Variants in C1orf21 observed in about 807,000 individuals in gnomAD.
C1orf21 encodes chromosome 1 open reading frame 21.
Under a neutral mutation model 18.7 loss-of-function variants are expected in C1orf21, and 3 were observed. That is an observed-to-expected ratio of 0.16 (90% confidence interval 0.07 to 0.42). The LOEUF (loss-of-function observed/expected upper bound fraction) is 0.42. C1orf21 is among the 10% of genes least tolerant of loss of function. The pLI, the probability that C1orf21 is intolerant of heterozygous loss-of-function variation, is 0.99. For missense variants in C1orf21, 104 were observed against 143.6 expected, an observed-to-expected ratio of 0.72 and a Z score of 1.41; for synonymous variants, 41 against 46.4, an observed-to-expected ratio of 0.88 and a Z score of 0.47.
intron 1 of C1orf21, among the ~76,000 whole-genome samples, chr1:184,444,562 C>T (rs144166459): frequency 2.1e-4 from 32 of 152,182 alleles, no homozygotes; most frequent in Admixed American, 8.5e-4. Flanking sequence ...TTCCCAGTTT[C>T]GGGTTTGTCT....
chr1:184,481,002 GGA>G (rs1657646482), intron 2 of C1orf21, among the ~76,000 whole-genome samples: 2 of 152,120 alleles, frequency 1.3e-5, no homozygotes, highest in Non-Finnish European at 2.9e-5. Flanking sequence ...TCTCCTTGTG[GGA>G]GAGAGTTTCT....
At chr1:184,597,576 G>A (rs986892964) in intron 4 of C1orf21, among the ~76,000 whole-genome samples, 2 of 151,972 alleles carry the variant, frequency 1.3e-5, no homozygotes, top group Non-Finnish European at 2.9e-5. Context: ...GTGTGATAAC[G>A]TGTCTTATCC....
At chr1:184,567,600 G>T in intron 3 of C1orf21, 1 of 448,102 alleles carries the variant, frequency 2.2e-6, no homozygotes, top group Admixed American at 2.4e-5. Flanking sequence ...TTGGGATTTC[G>T]TTGGTGGGGC....
At chr1:184,495,996 T>TGCCCTTTCTACAAAA (rs1280065895) in intron 2 of C1orf21, among the ~76,000 whole-genome samples, 2 of 151,408 alleles carry the variant, frequency 1.3e-5, no homozygotes, top group Non-Finnish European at 2.9e-5. Flanking sequence ...TGTAGAAAGT[T>TGCCCTTTCTACAAAA]GGTTTTTGGA....
At chr1:184,573,801 C>A (rs1403015006) in intron 3 of C1orf21, among the ~76,000 whole-genome samples, 1 of 152,080 alleles carries the variant, frequency 6.6e-6, no homozygotes, top group Non-Finnish European at 1.5e-5. Flanking sequence ...TTGGTACAAA[C>A]CTTCACATGT....
chr1:184,454,091 T>C (rs1240807728), intron 1 of C1orf21, among the ~76,000 whole-genome samples: 1 of 152,170 alleles, frequency 6.6e-6, no homozygotes, highest in African/African-American at 2.4e-5. Flanking sequence ...AGTCAATGGA[T>C]TTCTTTTGTT....
chr1:184,547,285 A>G (rs1440757702), intron 3 of C1orf21, among the ~76,000 whole-genome samples: 2 of 152,160 alleles, frequency 1.3e-5, no homozygotes, highest in Admixed American at 6.5e-5. Context: ...AATTTGAACT[A>G]GAGTATTGTT....
At chr1:184,510,679 A>T (rs2101965136) in intron 3 of C1orf21, among the ~76,000 whole-genome samples, 1 of 152,312 alleles carries the variant, frequency 6.6e-6, no homozygotes, top group Middle Eastern at 3.4e-3. Flanking sequence ...AAGCAGTGGG[A>T]GATTAGAATC....
In C1orf21 at chr1:184,591,502, C is replaced by G. The variant is rs575708994; in HGVS notation, c.266+687C>G. Among the ~76,000 whole-genome samples the G allele has an allele frequency of 2.6e-5, 4 of 152,242 alleles. No individual in the cohort carries two copies. In the South Asian group the frequency reaches 8.3e-4, roughly 32 times the overall value. ...GCTCTTAAAGCTCTTAAAGGTAAAA[C>G]CCAAATGTCCATTGAAAATATAGGT... On this transcript the variant is annotated intron_variant, in intron 4 of 5. Transcript: ENST00000235307.
chr1:184,415,838 GT>G (rs1321012508), intron 1 of C1orf21, among the ~76,000 whole-genome samples: 1 of 152,178 alleles, frequency 6.6e-6, no homozygotes, highest in East Asian at 1.9e-4. Flanking sequence ...TGTTTTACAG[GT>G]TTTAATATTG....
chr1:184,617,916 T>TG (rs1193083007), intron 5 of C1orf21, among the ~76,000 whole-genome samples: 1 of 146,990 alleles, frequency 6.8e-6, no homozygotes, highest in Non-Finnish European at 1.5e-5. Flanking sequence ...TTTTTTTTTT[T>TG]TTTTTTTTTT....
chr1:184,487,822 G>C (rs1657755184), intron 2 of C1orf21, among the ~76,000 whole-genome samples: 1 of 152,286 alleles, frequency 6.6e-6, no homozygotes. Flanking sequence ...CATCTGTGTA[G>C]TGTGGGGAAT....
At chr1:184,521,425 C>T (rs1218855386) in intron 3 of C1orf21, among the ~76,000 whole-genome samples, 1 of 151,724 alleles carries the variant, frequency 6.6e-6, no homozygotes, top group Non-Finnish European at 1.5e-5. Context: ...TACATCCAGA[C>T]AATGGAATAT....
chr1:184,598,585 G>C, intron 5 of C1orf21, 124 bp downstream of exon 5: 1 of 978,344 alleles, frequency 1.0e-6, no homozygotes, highest in Non-Finnish European at 1.5e-6. Context: ...TGGGTGGAGA[G>C]TTAAATAAAA....
chr1:184,607,758 CAT>C lies in C1orf21; in HGVS notation c.327+9303_327+9304del, dbSNP rs935017445. ...ATATATATGTGTGTGTATATATATA[CAT>C]ATATAGAGAGAAAGAGTCACAATTA... is the stretch of plus-strand genomic sequence containing the variant. On this transcript the variant is annotated intron_variant, in intron 5 of 5. Transcript: ENST00000235307. Among the ~76,000 whole-genome samples the C allele has an allele frequency of 8.5e-4, 125 of 146,414 alleles. 1 individual carries two copies. Among genetic ancestry groups the C allele is most frequent in the African/African-American group, 3.1e-3 (122 of 39,172 alleles).
intron 3 of C1orf21, among the ~76,000 whole-genome samples, chr1:184,534,394 G>A (rs892152106): frequency 1.3e-5 from 2 of 152,184 alleles, no homozygotes; most frequent in Admixed American, 6.5e-5. Context: ...GCAGAAGGTG[G>A]TAGAGCTAAA....
rs998785700 is a variant in C1orf21, at chr1:184,415,113, T to A, written c.-125+27745T>A. On this transcript the variant is annotated intron_variant, in intron 1 of 5. Transcript: ENST00000235307. ...GGTTCCTCCTGACCCTCACTCAACA[T>A]GACATTGTTCCAGGCACTGGAGCGT... Among the ~76,000 whole-genome samples the A allele has an allele frequency of 3.8e-4, 58 of 152,208 alleles. 1 individual carries two copies. Among genetic ancestry groups the A allele is most frequent in the Non-Finnish European group, 8.8e-5 (6 of 68,044 alleles).
chr1:184,458,109 A>G (rs1657248496), intron 1 of C1orf21, among the ~76,000 whole-genome samples: 1 of 152,144 alleles, frequency 6.6e-6, no homozygotes, highest in African/African-American at 2.4e-5. Flanking sequence ...CTGACTCCAA[A>G]GCCTACGTTC....
chr1:184,462,849 A>C (rs1657328443), intron 1 of C1orf21, among the ~76,000 whole-genome samples: 1 of 152,044 alleles, frequency 6.6e-6, no homozygotes, highest in South Asian at 2.1e-4. Context: ...TGGGAGGCTG[A>C]GGTGGGCGGA....
Sources: gnomAD v4.1 joint callset for allele counts (sites outside exome capture counted in the v4.1 genomes callset) on GRCh38, gnomAD v4.1.1 for gene constraint, MANE v1.5 for transcripts, NCBI Gene and HGNC (gene_info 2026-07-23, HGNC 2026-07-21) for gene names.